MARCHF11: variants seen among roughly 807,000 people sequenced by gnomAD.
The protein encoded by MARCHF11 is E3 ubiquitin-protein ligase MARCHF11.
In MARCHF11, 29 loss-of-function variants were observed where a neutral mutation model predicts 37.3. That is an observed-to-expected ratio of 0.78 (90% confidence interval 0.58 to 1.06). The LOEUF (loss-of-function observed/expected upper bound fraction) is 1.06, where lower values mean the gene tolerates loss of function less well. Ranked by LOEUF, MARCHF11 falls within the 50% of genes least tolerant of loss-of-function variation. The pLI is 0.00. For synonymous variants in MARCHF11, 233 were observed against 228.0 expected (o/e 1.02, Z -0.20); for missense variants, 482 against 533.4 (o/e 0.90, Z 0.95).
chr5:16,175,750 G>C (rs553991896), intron 2 of MARCHF11, among the ~76,000 whole-genome samples: 2 of 152,320 alleles, frequency 1.3e-5, no homozygotes, highest in East Asian at 3.9e-4. Flanking sequence ...AGATACATGT[G>C]CATCTGACGT....
Position 16,145,406 on chromosome 5 carries a change from G to A in MARCHF11, c.693+32320C>T, listed in dbSNP as rs562774013. Among the ~76,000 whole-genome samples, 11 of 152,252 alleles carry A rather than the reference G, an allele frequency of 7.2e-5. No homozygotes were observed. The East Asian group carries it at 1.4e-3, about 19-fold the overall frequency. On this transcript the variant is annotated intron_variant, in intron 2 of 3. Transcript: ENST00000332432. ...GTGGGGACCTTTCTCCCCTCTGGAG[G>A]ACACAGCAACCAAGTCACCATTTTA...
chr5:16,133,678 C>T (rs370955427), intron 2 of MARCHF11, among the ~76,000 whole-genome samples: 1 of 151,774 alleles, frequency 6.6e-6, no homozygotes, highest in African/African-American at 2.4e-5. Flanking sequence ...TTTGCAAAAA[C>T]ATGAAAAAAG....
At chr5:16,073,489 G>A (rs1449987602) in intron 3 of MARCHF11, among the ~76,000 whole-genome samples, 1 of 151,868 alleles carries the variant, frequency 6.6e-6, no homozygotes, top group East Asian at 1.9e-4. Flanking sequence ...CATAAGTCAT[G>A]GTTACTTCTG....
intron 3 of MARCHF11, among the ~76,000 whole-genome samples, chr5:16,073,008 C>T (rs745733077): frequency 7.2e-5 from 11 of 152,118 alleles, no homozygotes; most frequent in South Asian, 2.1e-4. Flanking sequence ...ATGTTTTAAA[C>T]GAGGGTGATG....
Position 16,090,987 on chromosome 5 carries a change from A to G in MARCHF11, c.788T>C (p.Leu263Pro). 6.2e-7 allele frequency: 1 copy of G among 1,612,756 alleles called. No individual in the cohort carries two copies. The highest frequency in any genetic ancestry group is 1.1e-5 in the South Asian group (1 of 90,916). The part of the protein sequence containing the change: ...LFLIASVTWL[L>P]WSAFSPYAVW... ...TGCATAGGGGCTGAAGGCTGACCAGAGGAGCCAAGTCACACTGGCTATTAA... is the reference window on the plus strand; with the variant it reads ...TGCATAGGGGCTGAAGGCTGACCAGGGGAGCCAAGTCACACTGGCTATTAA... The change falls in exon 3 of 4, where the codon CTC becomes CCC. Residue 263 changes from leucine to proline, a missense_variant. By Grantham distance (98) the Leu-to-Pro change is moderately conservative. Transcript: ENST00000332432.
intron 2 of MARCHF11, among the ~76,000 whole-genome samples, chr5:16,161,457 A>G (rs1420054392): frequency 6.6e-6 from 1 of 151,908 alleles, no homozygotes; most frequent in Non-Finnish European, 1.5e-5. Flanking sequence ...TATGGATGAC[A>G]TTTCCCATCT....
intron 2 of MARCHF11, among the ~76,000 whole-genome samples, chr5:16,162,232 G>C (rs1738091351): frequency 1.3e-5 from 2 of 151,774 alleles, no homozygotes; most frequent in Admixed American, 6.6e-5. Flanking sequence ...CTATCTGATT[G>C]TACTCATTTT....
At chr5:16,113,850 T>C (rs560471325) in intron 2 of MARCHF11, among the ~76,000 whole-genome samples, 2 of 152,332 alleles carry the variant, frequency 1.3e-5, no homozygotes, top group African/African-American at 4.8e-5. Flanking sequence ...GTCTCCCTAC[T>C]GTGCTATTGA....
rs557475538 is a variant in MARCHF11 at position 16,136,049 on chromosome 5, C to T, written c.693+41677G>A. Among the ~76,000 whole-genome samples the T allele has an allele frequency of 5.3e-5, 8 of 152,144 alleles. 1 individual carries two copies. In the South Asian group the frequency reaches 1.7e-3, roughly 32 times the overall value. The stretch of plus-strand genomic sequence containing the variant: ...GACCAAGGCTTGATTCCTAGCCATT[C>T]CTGTCCATTACTATGCCTCAGTTTC... On this transcript the variant is annotated intron_variant, in intron 2 of 3. Coordinates refer to ENST00000332432, the MANE Select transcript of MARCHF11 (RefSeq NM_001102562.3).
At chr5:16,081,784 G>T (rs564154643) in intron 3 of MARCHF11, among the ~76,000 whole-genome samples, 1 of 152,148 alleles carries the variant, frequency 6.6e-6, no homozygotes, top group South Asian at 2.1e-4. Flanking sequence ...ATAAGAACTT[G>T]AATTTTACAG....
intron 2 of MARCHF11, among the ~76,000 whole-genome samples, chr5:16,176,332 T>C (rs906204666): frequency 6.6e-6 from 1 of 152,184 alleles, no homozygotes; most frequent in African/African-American, 2.4e-5. Context: ...ATACTTCTAC[T>C]GATAAAACTG....
chr5:16,135,091 G>A (rs1579403331), intron 2 of MARCHF11, among the ~76,000 whole-genome samples: 1 of 151,668 alleles, frequency 6.6e-6, no homozygotes, highest in African/African-American at 2.4e-5. Context: ...GCTCATTTTA[G>A]AATATTTTTC....
intron 2 of MARCHF11, among the ~76,000 whole-genome samples, chr5:16,144,483 A>T (rs532528572): frequency 6.6e-6 from 1 of 152,268 alleles, no homozygotes; most frequent in South Asian, 2.1e-4. Context: ...TTTAATCTCC[A>T]GGACTAACCA....
chr5:16,141,564 T>C (rs2126591958), intron 2 of MARCHF11: 1 of 152,326 alleles, frequency 6.6e-6, no homozygotes, highest in Non-Finnish European at 1.5e-5. Flanking sequence ...ATGGATGTCC[T>C]TGGAAGAACG....
At chr5:16,120,482 T>C (rs193223524) in intron 2 of MARCHF11, among the ~76,000 whole-genome samples, 2 of 152,356 alleles carry the variant, frequency 1.3e-5, no homozygotes, top group Admixed American at 1.3e-4. Flanking sequence ...TATTAAGTCA[T>C]ATCTTGCTAA....
intron 3 of MARCHF11, among the ~76,000 whole-genome samples, chr5:16,085,967 A>AATAAAAAAAAAT (rs1736692396): frequency 7.9e-5 from 11 of 140,010 alleles, no homozygotes; most frequent in Non-Finnish European, 1.5e-4. Flanking sequence ...AAAAAAAAAA[A>AATAAAAAAAAAT]AAAAAAAAAA....
intron 2 of MARCHF11, among the ~76,000 whole-genome samples, chr5:16,130,137 T>C (rs1017117455): frequency 2.0e-5 from 3 of 152,090 alleles, no homozygotes; most frequent in Non-Finnish European, 4.4e-5. Context: ...TAAAATCTCA[T>C]TTTAACATAT....
chr5:16,113,702 TG>T (rs1737185003), intron 2 of MARCHF11, among the ~76,000 whole-genome samples: 1 of 152,240 alleles, frequency 6.6e-6, no homozygotes, highest in African/African-American at 2.4e-5. Context: ...GCATGTATTT[TG>T]ACACATGCAT....
chr5:16,073,649 C>T (rs1736471725), intron 3 of MARCHF11, among the ~76,000 whole-genome samples: 1 of 150,368 alleles, frequency 6.7e-6, no homozygotes, highest in Admixed American at 6.6e-5. Flanking sequence ...GCAAAATATG[C>T]AAAAGATAAA....
Sources: allele counts gnomAD v4.1 joint callset (sites outside exome capture counted in the v4.1 genomes callset), GRCh38; gene constraint gnomAD v4.1.1; transcripts MANE v1.5; gene names NCBI Gene and HGNC (gene_info 2026-07-23, HGNC 2026-07-21).